Variants in CLCN6 observed in about 807,000 individuals in gnomAD.
CLCN6 encodes H(+)/Cl(-) exchange transporter 6.
A neutral mutation model predicts 109.8 loss-of-function variants in CLCN6; 70 were observed. That is an observed-to-expected ratio of 0.64 (90% CI 0.53 to 0.78). CLCN6 has a LOEUF of 0.78. CLCN6 is among the 30% of genes least tolerant of loss of function. The pLI, the probability that CLCN6 is intolerant of heterozygous loss-of-function variation, is 0.00. For synonymous variants in CLCN6, 444 were observed against 447.8 expected (o/e 0.99, Z 0.11); for missense variants, 984 against 1,142.3 (o/e 0.86, Z 2.00).
intron 17 of CLCN6, 57 bp from the exon 18 acceptor site, chr1:11,835,910 C>T (rs1644937952): frequency 1.3e-6 from 2 of 1,536,368 alleles, no homozygotes; most frequent in South Asian, 1.2e-5. Context: ...GCACAGCTTG[C>T]TCCCAGGGGC....
chr1:11,816,420 CCT>C (rs1461622336), intron 3 of CLCN6, among the ~76,000 whole-genome samples, 193 bp from the exon 4 acceptor site: 9 of 152,206 alleles, frequency 5.9e-5, no homozygotes, highest in African/African-American at 1.9e-4. Context: ...CAGAGTTCCC[CCT>C]GTCAGTGCAC....
In CLCN6 at chr1:11,840,306, C is replaced by T. The variant is rs894914011; in HGVS notation, c.*83C>T. On this transcript the variant is annotated 3_prime_UTR_variant, in exon 23 of 23. Coordinates refer to ENST00000346436, the MANE Select transcript of CLCN6 (RefSeq NM_001286.5). ...CGGGCACAGCTGGCTGGGGCTGTTC[C>T]GGGGCATGGAAGATTCCCAGTCACC... 44 of 1,229,366 alleles carry T rather than the reference C, an allele frequency of 3.6e-5. No homozygotes were observed. The highest frequency in any genetic ancestry group is 3.8e-4 in the Middle Eastern group (2 of 5,298). The allele number at this position is 1,229,366 out of a possible 1,614,324, so 76.2% of individuals were successfully genotyped here.
rs772391105 is a variant in CLCN6, at chr1:11,823,720, G to A, written c.467G>A (p.Gly156Asp). 3.1e-6 allele frequency: 5 copies of A among 1,614,234 alleles called. No homozygotes were observed. In the South Asian group the frequency reaches 5.5e-5, roughly 18 times the overall value. Residue 156 changes from glycine to aspartate, a missense_variant, in exon 7 of 23, where the codon GGT becomes GAT. Coordinates refer to ENST00000346436, the MANE Select transcript of CLCN6 (RefSeq NM_001286.5). Reference protein sequence around the residue: ...LLVLIEPVAAGSGIPEVKCYL... With the variant: ...LLVLIEPVAADSGIPEVKCYL... Reference sequence around the variant, plus strand: ...CTCCTCCATCAGCCGGTGGCAGCAGGTTCCGGGATACCCGAGGTCAAATGC... The same window carrying A: ...CTCCTCCATCAGCCGGTGGCAGCAGATTCCGGGATACCCGAGGTCAAATGC...
Position 11,837,380 on chromosome 1 carries a change from C to G in CLCN6, c.2176C>G (p.Pro726Ala), listed in dbSNP as rs1644964077. The G allele has an allele frequency of 6.2e-7, 1 of 1,614,024 alleles. No individual in the cohort carries two copies. The highest frequency in any genetic ancestry group is 2.2e-5 in the East Asian group (1 of 44,866). Reference sequence around the variant, plus strand: ...CCCCAACCTATACCCTGACCAGTCCCCAAGTGAAGACTGGACCATGGAGGA... The same window carrying G: ...CCCCAACCTATACCCTGACCAGTCCGCAAGTGAAGACTGGACCATGGAGGA... The part of the protein sequence containing the change: ...PYPNLYPDQS[P>A]SEDWTMEERF... The change falls in exon 20 of 23, where the codon CCA becomes GCA. Residue 726 changes from proline to alanine, a missense_variant. Pro to Ala is a conservative substitution (Grantham distance 27, BLOSUM62 -1). Coordinates refer to ENST00000346436, the MANE Select transcript of CLCN6 (RefSeq NM_001286.5).
At chr1:11,832,473 C>T (rs1035601907) in intron 13 of CLCN6, among the ~76,000 whole-genome samples, 50 of 152,266 alleles carry the variant, frequency 3.3e-4, no homozygotes, top group African/African-American at 1.1e-3. Context: ...CAGCTGAGCT[C>T]ATCCCCCGTG....
At position 11,829,107 on chromosome 1, in the gene CLCN6, G is replaced by A. The variant is rs1333204582; in HGVS notation, c.1122-89G>A. 23 of 1,493,264 alleles carry A rather than the reference G, an allele frequency of 1.5e-5. No homozygotes were observed. The Middle Eastern group carries it at 7.2e-4, about 47-fold the overall frequency. The allele number at this position is 1,493,264 out of a possible 1,614,324, so 92.5% of individuals were successfully genotyped here. ...GCTGTGAATGCTGTTTGGAGAAATC[G>A]GGGCTGGGGGTAGGCAGGGTTATGT... On this transcript the variant is annotated intron_variant, in intron 12 of 22. Coordinates refer to ENST00000346436, the MANE Select transcript of CLCN6 (RefSeq NM_001286.5).
At chr1:11,819,414 G>A in intron 4 of CLCN6, 74 bp from the exon 5 acceptor site, 1 of 1,381,156 alleles carries the variant, frequency 7.2e-7, no homozygotes, top group Non-Finnish European at 1.0e-6. Flanking sequence ...ATGCCTTCAA[G>A]AGGAGCACAC....
At chr1:11,835,519 C>T (rs1469791783) in intron 17 of CLCN6, among the ~76,000 whole-genome samples, 1 of 152,238 alleles carries the variant, frequency 6.6e-6, no homozygotes, top group Non-Finnish European at 1.5e-5. Flanking sequence ...AAGCAATCTG[C>T]TGGCCTCGGC....
chr1:11,821,746 C>T (rs1340997973), intron 5 of CLCN6, among the ~76,000 whole-genome samples: 1 of 152,138 alleles, frequency 6.6e-6, no homozygotes, highest in African/African-American at 2.4e-5. Flanking sequence ...GAACCGTAGA[C>T]ATGTACAAAG....
At position 11,841,992 on chromosome 1, in the gene CLCN6, A is replaced by G. The variant is rs1298137559; in HGVS notation, c.*1769A>G. 1 of 152,162 alleles carries G rather than the reference A, an allele frequency of 6.6e-6. No individual in the cohort carries two copies. The highest frequency in any genetic ancestry group is 1.5e-5 in the Non-Finnish European group (1 of 68,018). 9.4% of individuals were successfully genotyped at this position (152,162 alleles called of 1,614,324 possible). A position where few individuals can be genotyped will look rare whatever the true frequency, so the allele number is the denominator to read the frequency against. ...AGGCAATTCTTATTTAAATGTTACT[A>G]TTTGGCCAGCTGCTGCTGTGTTTTA... On this transcript the variant is annotated 3_prime_UTR_variant, in exon 23 of 23. Coordinates refer to ENST00000346436, the MANE Select transcript of CLCN6 (RefSeq NM_001286.5).
chr1:11,825,619 A>G, intron 8 of CLCN6, among the ~76,000 whole-genome samples: 1 of 152,052 alleles, frequency 6.6e-6, no homozygotes, highest in East Asian at 1.9e-4. Context: ...TTTTTTCCCA[A>G]GTTTTTTTAT....
At position 11,826,350 on chromosome 1, in the gene CLCN6, AC is replaced by A. The variant is rs1337986209; in HGVS notation, c.707+137del. 1.1e-5 allele frequency: 8 copies of A among 704,560 alleles called. No individual in the cohort carries two copies. In the African/African-American group the frequency reaches 1.4e-4, roughly 13 times the overall value. The allele number at this position is 704,560 out of a possible 1,614,324, so 43.6% of individuals were successfully genotyped here. On this transcript the variant is annotated intron_variant, in intron 9 of 22. Transcript: ENST00000346436. ...ACTGGGAGAAGGGGGCGGGCTTTGA[AC>A]TTTTCTTCTGGAAATAAGAAGCCAA...
intron 2 of CLCN6, among the ~76,000 whole-genome samples, chr1:11,811,954 C>G (rs1465108096): frequency 6.6e-6 from 1 of 152,102 alleles, no homozygotes; most frequent in East Asian, 1.9e-4. Flanking sequence ...TCTCAGGCAC[C>G]ACTCGCGGAA....
chr1:11,819,877 G>C (rs1219133773), intron 5 of CLCN6, among the ~76,000 whole-genome samples: 7 of 152,148 alleles, frequency 4.6e-5, no homozygotes, highest in Admixed American at 4.6e-4. Flanking sequence ...TTGTGTAGAA[G>C]AGTAAAGGGC....
At chr1:11,826,285 A>G in intron 9 of CLCN6, 71 bp downstream of exon 9, 3 of 1,260,286 alleles carry the variant, frequency 2.4e-6, no homozygotes, top group Non-Finnish European at 3.5e-6. Context: ...CAGACTCGAC[A>G]CTTGCTCTAG....
At chr1:11,812,508 C>T (rs1644611537) in intron 2 of CLCN6, among the ~76,000 whole-genome samples, 1 of 152,180 alleles carries the variant, frequency 6.6e-6, no homozygotes, top group South Asian at 2.1e-4. Context: ...TCGGTCTCCT[C>T]CCTGGAGGGA....
chr1:11,816,107 G>C (rs1174049431), intron 3 of CLCN6, among the ~76,000 whole-genome samples, 196 bp downstream of exon 3: 2 of 152,226 alleles, frequency 1.3e-5, no homozygotes, highest in Non-Finnish European at 2.9e-5. Flanking sequence ...CTGGAGGTTG[G>C]TGGCAACCCT....
In CLCN6 at chr1:11,840,584, C is replaced by T. The variant is rs935014469; in HGVS notation, c.*361C>T. On this transcript the variant is annotated 3_prime_UTR_variant, in exon 23 of 23. Transcript: ENST00000346436. ...TGTTCCTGGCCATCTTTGCTACTTT[C>T]CTAGAGAACCCGGCTGTTGCCTTAA... The T allele has an allele frequency of 5.8e-6, 2 of 347,238 alleles. No individual in the cohort carries two copies. Among genetic ancestry groups the T allele is most frequent in the Admixed American group, 3.8e-5 (1 of 26,146 alleles). The allele number at this position is 347,238 out of a possible 1,614,324, so 21.5% of individuals were successfully genotyped here. A position where few individuals can be genotyped will look rare whatever the true frequency, so the allele number is the denominator to read the frequency against.
At position 11,822,773 on chromosome 1, in the gene CLCN6, T is replaced by G; in HGVS notation, c.425T>G (p.Phe142Cys). 1 of 1,614,014 alleles carries G rather than the reference T, an allele frequency of 6.2e-7. No homozygotes were observed. Among genetic ancestry groups the G allele is most frequent in the Non-Finnish European group, 8.5e-7 (1 of 1,179,896 alleles). Residue 142 changes from phenylalanine (F) to cysteine (C), a missense_variant, in exon 6 of 23, where the codon TTC becomes TGC. Physicochemically the swap from Phe to Cys is radical, Grantham distance 205 (BLOSUM62 -2). Transcript: ENST00000346436. Reference sequence around the variant, plus strand: ...CTGGGTTTTAACCTCACCTTTGTCTTCCTGGCAAGCCTCCTTGTTCTCATT... The same window carrying G: ...CTGGGTTTTAACCTCACCTTTGTCTGCCTGGCAAGCCTCCTTGTTCTCATT... The part of the protein sequence containing the change: ...ELLGFNLTFV[F>C]LASLLVLIEP...
Sources: allele counts gnomAD v4.1 joint callset (sites outside exome capture counted in the v4.1 genomes callset), GRCh38; gene constraint gnomAD v4.1.1; transcripts MANE v1.5; gene names NCBI Gene and HGNC (gene_info 2026-07-23, HGNC 2026-07-21).